The following CTSA variants were observed in gnomAD, a reference collection of about 807,000 sequenced individuals.
CTSA encodes lysosomal protective protein.
A neutral mutation model predicts 66.7 loss-of-function variants in CTSA; 42 were observed. The observed-to-expected ratio is 0.63, with a 90% CI of 0.49 to 0.81. The LOEUF is 0.81. Among genes scored for constraint, CTSA ranks in the 40% least tolerant of loss-of-function variants. The pLI, the probability that CTSA is intolerant of heterozygous loss-of-function variation, is 0.00. For missense variants in CTSA, 525 were observed against 610.9 expected (o/e 0.86, Z 1.48); for synonymous variants, 225 against 248.6 (o/e 0.91, Z 0.89).
Position 45,895,071 on chromosome 20 carries a change from C to A in CTSA, c.1026C>A (p.Asn342Lys). 6.2e-7 allele frequency: 1 copy of A among 1,614,182 alleles called. No homozygotes were observed. The highest frequency in any genetic ancestry group is 8.5e-7 in the Non-Finnish European group (1 of 1,180,018). ...TNTTAASTYL[N>K]NPYVRKALNI... ...CAACAGCTGCTTCCACCTACCTCAA[C>A]AACCCGTACGTGCGGAAGGCCCTCA... Residue 342 changes from asparagine (N) to lysine (K), a missense_variant, in exon 11 of 15, where the codon AAC becomes AAA. This residue lies in a region of CTSA where 274 missense variants were observed against 321.1 expected (regional missense o/e 0.85). Coordinates refer to ENST00000646241, the MANE Select transcript of CTSA (RefSeq NM_000308.4).
intron 12 of CTSA, chr20:45,897,299 A>G (rs1388587718): frequency 3.6e-6 from 2 of 552,876 alleles, no homozygotes; most frequent in Admixed American, 6.2e-5. Flanking sequence ...CATGCCAAAA[A>G]TGGGCCAGCA....
At chr20:45,897,912 C>A in intron 13 of CTSA, 93 bp from the exon 14 acceptor site, 1 of 1,540,672 alleles carries the variant, frequency 6.5e-7, no homozygotes, top group Non-Finnish European at 9.0e-7. Flanking sequence ...CCACAGAGGG[C>A]AAGTGTGGAG....
intron 10 of CTSA, 45 bp downstream of exon 10, chr20:45,894,946 G>A: frequency 1.2e-6 from 2 of 1,614,108 alleles, no homozygotes; most frequent in Non-Finnish European, 1.7e-6. Flanking sequence ...GGGGGCAGGG[G>A]GAGGGGCAGG....
At chr20:45,895,301 ATTC>A in intron 11 of CTSA, 168 bp downstream of exon 11, 1 of 768,984 alleles carries the variant, frequency 1.3e-6, no homozygotes, top group East Asian at 2.7e-5. Flanking sequence ...CAGCCAATTC[ATTC>A]TTTTATCTTT....
rs533907644 is a variant in CTSA, at chr20:45,892,948, A to T, written c.600+68A>T. Reference sequence around the variant, plus strand: ...GTGGCCTTACAGTTAGCAAGGTCAGACTGACTGGTCAATGTCCCCATCCAA... The same window carrying T: ...GTGGCCTTACAGTTAGCAAGGTCAGTCTGACTGGTCAATGTCCCCATCCAA... On this transcript the variant is annotated intron_variant, in intron 6 of 14. Coordinates refer to ENST00000646241, the MANE Select transcript of CTSA (RefSeq NM_000308.4). The T allele has an allele frequency of 1.0e-4, 164 of 1,571,044 alleles. 5 individuals are homozygous for T. The South Asian group carries it at 1.8e-3, about 17-fold the overall frequency.
intron 11 of CTSA, 140 bp from the exon 12 acceptor site, chr20:45,896,825 G>C (rs1568766596): frequency 1.2e-5 from 9 of 741,108 alleles, no homozygotes; most frequent in African/African-American, 1.7e-5. Context: ...TAGAGAGGTG[G>C]CCCCCCCCCA....
In CTSA at chr20:45,891,992, C is replaced by T. The variant is rs373635254; in HGVS notation, c.271C>T (p.Leu91=). The change falls in exon 3 of 15, where the codon CTA becomes TTA. Residue 91 remains leucine, a synonymous_variant. Transcript: ENST00000646241. This position sits in a 1 kb window ranked among gnomAD's most constrained non-coding sequence, Gnocchi z 4.6. Reference sequence around the variant, plus strand: ...CAATGGGGGTCCCGGCTGCAGCTCACTAGATGGGCTCCTCACAGAGCATGG... The same window carrying T: ...CAATGGGGGTCCCGGCTGCAGCTCATTAGATGGGCTCCTCACAGAGCATGG... ...WLNGGPGCSS[L]DGLLTEHGPF... 4 of 1,614,018 alleles carry T rather than the reference C, an allele frequency of 2.5e-6. No homozygotes were observed. The African/African-American group carries it at 5.3e-5, about 22-fold the overall frequency.
Position 45,891,774 on chromosome 20 carries a change from T to A in CTSA, c.194+12T>A. 6.2e-7 allele frequency: 1 copy of A among 1,613,734 alleles called. No homozygotes were observed. Among genetic ancestry groups the A allele is most frequent in the South Asian group, 1.1e-5 (1 of 91,086 alleles). On this transcript the variant is annotated intron_variant, in intron 2 of 14. Transcript: ENST00000646241. The surrounding 1 kb of genome is among the most constrained non-coding windows in gnomAD (Gnocchi z 4.6). ...CACCTCCACTACTGGTCTGCCGCCC[T>A]GCCTTCTGGGCGGGATTGGGAGAAG...
chr20:45,894,631 G>A lies in CTSA; in HGVS notation c.778-19G>A, dbSNP rs1191820573. 2 of 1,608,704 alleles carry A rather than the reference G, an allele frequency of 1.2e-6. No individual in the cohort carries two copies. The highest frequency in any genetic ancestry group is 2.7e-5 in the African/African-American group (2 of 74,786). ...GGCTGGGGATCTGTAAAGCATGGTG[G>A]CTTGGTGTATCATTGCAGCTTCAGG... On this transcript the variant is annotated intron_variant, in intron 8 of 14. Coordinates refer to ENST00000646241, the MANE Select transcript of CTSA (RefSeq NM_000308.4).
Position 45,896,651 on chromosome 20 carries a change from C to T in CTSA, c.1089-314C>T, listed in dbSNP as rs1388481137. 8.0e-6 allele frequency: 3 copies of T among 373,696 alleles called. No individual in the cohort carries two copies. In the Admixed American group the frequency reaches 1.1e-4, roughly 14 times the overall value. The allele number at this position is 373,696 out of a possible 1,614,324, so 23.1% of individuals were successfully genotyped here. ...ACGGGGTTTCACCATGTTGGTCAGG[C>T]TGGTCTCGAACTCCTGACCTCGTGA... On this transcript the variant is annotated intron_variant, in intron 11 of 14. Coordinates refer to ENST00000646241, the MANE Select transcript of CTSA (RefSeq NM_000308.4).
chr20:45,897,201 G>C (rs1207535079), intron 12 of CTSA, 161 bp downstream of exon 12: 1 of 704,534 alleles, frequency 1.4e-6, no homozygotes, highest in Admixed American at 2.1e-5. Context: ...ATTTGAACCT[G>C]GGTTTGTCCC....
At chr20:45,893,927 C>A in intron 7 of CTSA, 61 bp from the exon 8 acceptor site, 1 of 1,055,178 alleles carries the variant, frequency 9.5e-7, no homozygotes, top group Non-Finnish European at 1.5e-6. Context: ...GGTATGCTCG[C>A]CTCCTCTGCC....
rs760318948 is a variant in CTSA, at chr20:45,893,233, G to A, written c.614G>A (p.Gly205Asp). ...PSMNLQGLAV[G>D]NGLSSYEQND... ...GGTGTTTCACAGGGGCTGGCTGTGGGCAATGGACTCTCCTCCTATGAGCAG... is the reference window on the plus strand; with the variant it reads ...GGTGTTTCACAGGGGCTGGCTGTGGACAATGGACTCTCCTCCTATGAGCAG... Residue 205 changes from glycine to aspartate, a missense_variant, in exon 7 of 15, where the codon GGC becomes GAC. Transcript: ENST00000646241. 6.2e-7 allele frequency: 1 copy of A among 1,614,074 alleles called. No homozygotes were observed.
rs1987182621 is a variant in CTSA, at chr20:45,895,142, C to T, written c.1088+9C>T. The stretch of plus-strand genomic sequence containing the variant: ...CAATGGGACATGTGCAAGTGAGGTT[C>T]CGTGGCCACCTGTGACTTGGGGTGG... On this transcript the variant is annotated intron_variant, in intron 11 of 14. Coordinates refer to ENST00000646241, the MANE Select transcript of CTSA (RefSeq NM_000308.4). The T allele has an allele frequency of 5.0e-6, 8 of 1,614,080 alleles. No individual in the cohort carries two copies. Among genetic ancestry groups the T allele is most frequent in the Middle Eastern group, 1.7e-4 (1 of 6,060 alleles).
intron 11 of CTSA, chr20:45,896,734 G>T: frequency 5.4e-6 from 3 of 554,582 alleles, no homozygotes; most frequent in Non-Finnish European, 9.8e-6. Flanking sequence ...ACCACGCCCA[G>T]CATCCCTGTA....
chr20:45,893,377 C>A, intron 7 of CTSA, 66 bp downstream of exon 7: 1 of 1,208,340 alleles, frequency 8.3e-7, no homozygotes, highest in South Asian at 1.2e-5. Context: ...GGTCTGTCCT[C>A]CAGGCACATG....
intron 7 of CTSA, 188 bp downstream of exon 7, chr20:45,893,499 T>G (rs1987084509): frequency 1.7e-6 from 1 of 587,570 alleles, no homozygotes; most frequent in Non-Finnish European, 3.0e-6. Context: ...TTTTTTTTTT[T>G]TGAGACAGAT....
rs188792776 is a variant in CTSA, at chr20:45,891,365, C to G, written c.-15C>G. The G allele has an allele frequency of 6.3e-7, 1 of 1,575,252 alleles. No homozygotes were observed. The highest frequency in any genetic ancestry group is 8.6e-7 in the Non-Finnish European group (1 of 1,160,868). On this transcript the variant is annotated 5_prime_UTR_variant, in exon 1 of 15. Coordinates refer to ENST00000646241, the MANE Select transcript of CTSA (RefSeq NM_000308.4). This position sits in a 1 kb window ranked among gnomAD's most constrained non-coding sequence, Gnocchi z 4.6. ...CCGGGCGCCTCCTGGAGAGCAAGGA[C>G]GCGGGGGAGCAGAGGTGAGCTGGCA...
At chr20:45,895,252 G>A in intron 11 of CTSA, 119 bp downstream of exon 11, 1 of 1,181,198 alleles carries the variant, frequency 8.5e-7, no homozygotes, top group Non-Finnish European at 1.2e-6. Flanking sequence ...TGTAGAGGAT[G>A]TTTAACATCC....
Sources: gnomAD v4.1 joint callset for allele counts on GRCh38, gnomAD v4.1.1 for gene constraint, gnomAD v4.1.1 regional missense constraint, Gnocchi (gnomAD v3.1) non-coding constraint, MANE v1.5 for transcripts, NCBI Gene and HGNC (gene_info 2026-07-23, HGNC 2026-07-21) for gene names.